Variants in PHACTR3 observed in about 807,000 individuals in gnomAD.
PHACTR3 encodes the protein protein phosphatase 1, regulatory subunit 123.
Under a neutral mutation model 66.8 loss-of-function variants are expected in PHACTR3, and 16 were observed. The observed-to-expected ratio is 0.24, with a 90% confidence interval of 0.16 to 0.36. PHACTR3 has a LOEUF of 0.36. Ranked by LOEUF, PHACTR3 falls within the 10% of genes least tolerant of loss-of-function variation. The probability of loss-of-function intolerance (pLI) is 1.00; values close to 1 mark genes in which losing one functional copy is unlikely to be tolerated. For missense variants in PHACTR3, 647 were observed against 719.9 expected (o/e 0.90, Z 1.16); for synonymous variants, 323 against 292.1 (o/e 1.11, Z -1.08).
Position 59,829,479 on chromosome 20 carries a change from T to C in PHACTR3, c.1329-7026T>C, listed in dbSNP as rs916798127. On this transcript the variant is annotated intron_variant, in intron 8 of 12. Transcript: ENST00000371015. The surrounding 1 kb of genome is among the most constrained non-coding windows in gnomAD (Gnocchi z 4.2). The stretch of plus-strand genomic sequence containing the variant: ...CTGACGCTCTGAGACATAGGGTCAA[T>C]GTGCCTGTCATCCGTGCACCCAGAT... 1.3e-5 allele frequency among the ~76,000 whole-genome samples: 2 copies of C among 152,184 alleles called. No individual in the cohort carries two copies. The highest frequency in any genetic ancestry group is 2.9e-5 in the Non-Finnish European group (2 of 68,024).
At chr20:59,753,270 G>T (rs1346151083) in intron 3 of PHACTR3, among the ~76,000 whole-genome samples, 2 of 152,188 alleles carry the variant, frequency 1.3e-5, no homozygotes, top group Admixed American at 6.5e-5. Context: ...GGACCTCTGG[G>T]CAACTGACGC....
At chr20:59,588,057 C>T (rs1409789808) in intron 1 of PHACTR3, among the ~76,000 whole-genome samples, 1 of 152,200 alleles carries the variant, frequency 6.6e-6, no homozygotes, top group African/African-American at 2.4e-5. Context: ...GGTGCTTGAT[C>T]AGGTCACCGG....
intron 1 of PHACTR3, among the ~76,000 whole-genome samples, chr20:59,624,847 C>T (rs75396521): frequency 0.037 from 5,705 of 152,302 alleles, 121 homozygotes; most frequent in Middle Eastern, 0.085. Context: ...TTCCCTTTCA[C>T]TCTTATAGTA....
intron 1 of PHACTR3, among the ~76,000 whole-genome samples, chr20:59,722,883 C>T (rs1429155413): frequency 2.6e-5 from 4 of 152,030 alleles, no homozygotes; most frequent in African/African-American, 7.2e-5. Context: ...GCTTGTGTGG[C>T]TGCTGGGTCC....
intron 1 of PHACTR3, among the ~76,000 whole-genome samples, chr20:59,587,753 C>T (rs991942200): frequency 1.4e-4 from 21 of 151,158 alleles, no homozygotes; most frequent in African/African-American, 4.1e-4. Flanking sequence ...GGGCTGGAGC[C>T]GGGGCTGGGG....
chr20:59,696,928 G>A (rs2037319531), intron 1 of PHACTR3, among the ~76,000 whole-genome samples: 1 of 152,198 alleles, frequency 6.6e-6, no homozygotes, highest in Non-Finnish European at 1.5e-5. Flanking sequence ...CTTGCCTGGG[G>A]GATGGAGACT....
chr20:59,751,543 T>G (rs2039583015), intron 3 of PHACTR3, among the ~76,000 whole-genome samples: 1 of 151,650 alleles, frequency 6.6e-6, no homozygotes, highest in Non-Finnish European at 1.5e-5. Flanking sequence ...CCTGGTGGAG[T>G]GAGCCGGACT....
chr20:59,714,773 A>T (rs898273459), intron 1 of PHACTR3, among the ~76,000 whole-genome samples: 13 of 152,238 alleles, frequency 8.5e-5, no homozygotes, highest in African/African-American at 2.9e-4. Flanking sequence ...TTTAGGAACA[A>T]ATAAAATCTT....
chr20:59,765,019 G>A (rs2040135605), intron 4 of PHACTR3, among the ~76,000 whole-genome samples: 1 of 152,176 alleles, frequency 6.6e-6, no homozygotes, highest in Non-Finnish European at 1.5e-5. Context: ...ATTTACACAA[G>A]ACAGAAAACT....
At chr20:59,696,887 A>C (rs1032240118) in intron 1 of PHACTR3, among the ~76,000 whole-genome samples, 5 of 152,178 alleles carry the variant, frequency 3.3e-5, no homozygotes, top group African/African-American at 1.2e-4. Flanking sequence ...ACTTTGAGAC[A>C]GTCCACGCTT....
chr20:59,828,421 C>T (rs2042254594), intron 8 of PHACTR3, among the ~76,000 whole-genome samples: 1 of 152,210 alleles, frequency 6.6e-6, no homozygotes, highest in South Asian at 2.1e-4. Context: ...CCATGCCTGG[C>T]ACTTACTTAC....
intron 1 of PHACTR3, among the ~76,000 whole-genome samples, chr20:59,681,701 G>A (rs2036655467): frequency 1.3e-5 from 2 of 152,242 alleles, no homozygotes; most frequent in African/African-American, 4.8e-5. Flanking sequence ...CCTGCAAGGA[G>A]CAGACTTTGA....
chr20:59,793,091 G>A (rs938305159), intron 7 of PHACTR3, among the ~76,000 whole-genome samples: 1 of 151,850 alleles, frequency 6.6e-6, no homozygotes, highest in Non-Finnish European at 1.5e-5. Context: ...GTCTCACTAT[G>A]TTTTCCAGGG....
At chr20:59,691,841 C>G (rs1568717032) in intron 1 of PHACTR3, among the ~76,000 whole-genome samples, 1 of 152,164 alleles carries the variant, frequency 6.6e-6, no homozygotes, top group Non-Finnish European at 1.5e-5. Context: ...AGGGAATCCC[C>G]AACCCTGAAC....
At chr20:59,618,148 C>T (rs1479996283) in intron 1 of PHACTR3, among the ~76,000 whole-genome samples, 1 of 152,180 alleles carries the variant, frequency 6.6e-6, no homozygotes, top group Non-Finnish European at 1.5e-5. Flanking sequence ...GAGAGATTGG[C>T]AGTGCAAAGG....
intron 1 of PHACTR3, among the ~76,000 whole-genome samples, chr20:59,578,826 C>T (rs56665180): frequency 0.063 from 9,666 of 152,240 alleles, 338 homozygotes; most frequent in South Asian, 0.12. Flanking sequence ...TTCTGTGGTG[C>T]CCTTGGAGGA....
intron 3 of PHACTR3, among the ~76,000 whole-genome samples, chr20:59,748,821 T>G (rs890760184): frequency 1.1e-4 from 16 of 152,212 alleles, no homozygotes; most frequent in Non-Finnish European, 1.3e-4. Flanking sequence ...CACTTCAGCC[T>G]TAAAATATTA....
At chr20:59,625,793 G>A (rs986807585) in intron 1 of PHACTR3, among the ~76,000 whole-genome samples, 5 of 152,116 alleles carry the variant, frequency 3.3e-5, no homozygotes, top group Admixed American at 6.5e-5. Flanking sequence ...CCCTTGTTAC[G>A]CTGGGGTTCT....
chr20:59,610,932 A>G (rs912296569), intron 1 of PHACTR3, among the ~76,000 whole-genome samples: 2 of 152,210 alleles, frequency 1.3e-5, no homozygotes, highest in Non-Finnish European at 2.9e-5. Context: ...TACCCAGCAG[A>G]GATAATTTCC....
Sources: allele counts gnomAD v4.1 joint callset (sites outside exome capture counted in the v4.1 genomes callset), GRCh38; gene constraint gnomAD v4.1.1; non-coding constraint Gnocchi (gnomAD v3.1); transcripts MANE v1.5; gene names NCBI Gene and HGNC (gene_info 2026-07-23, HGNC 2026-07-21).